THSD7A: variants seen among roughly 807,000 people sequenced by gnomAD.
THSD7A encodes the protein thrombospondin type-1 domain-containing protein 7A.
In THSD7A, 96 loss-of-function variants were observed where a neutral mutation model predicts 231.3. The ratio of observed to expected loss-of-function variants is 0.41; its 90% CI spans 0.35 to 0.49. THSD7A has a LOEUF of 0.49. Among genes scored for constraint, THSD7A ranks in the 20% least tolerant of loss-of-function variants. The pLI is 0.05. For synonymous variants in THSD7A, 940 were observed against 743.3 expected (o/e 1.26, Z -4.30); for missense variants, 2,290 against 2,070.2 (o/e 1.11, Z -2.06).
intron 1 of THSD7A, among the ~76,000 whole-genome samples, chr7:11,826,843 CA>C (rs1785046547): frequency 6.7e-6 from 1 of 149,246 alleles, no homozygotes; most frequent in African/African-American, 2.5e-5. Flanking sequence ...ATGCAAATGC[CA>C]TTAACACTTA....
rs1023954982 is a variant in THSD7A at position 11,393,899 on chromosome 7, C to T, written c.4411+7896G>A. Among the ~76,000 whole-genome samples the T allele has an allele frequency of 5.3e-5, 8 of 151,732 alleles. No individual in the cohort carries two copies. The East Asian group carries it at 1.2e-3, about 22-fold the overall frequency. ...CTAAATCTGCCTTTGATTGTTGTAC[C>T]TGAAAGTGATGGGGAGAATGGAACC... is the stretch of plus-strand genomic sequence containing the variant. On this transcript the variant is annotated intron_variant, in intron 23 of 27. Coordinates refer to ENST00000423059, the MANE Select transcript of THSD7A (RefSeq NM_015204.3).
chr7:11,524,762 T>A (rs980407622), intron 6 of THSD7A, among the ~76,000 whole-genome samples: 4 of 152,180 alleles, frequency 2.6e-5, no homozygotes, highest in Non-Finnish European at 4.4e-5. Flanking sequence ...GCCATTCTCT[T>A]CTCTGAGGAA....
chr7:11,598,261 G>A (rs565528188), intron 2 of THSD7A, among the ~76,000 whole-genome samples: 1 of 152,358 alleles, frequency 6.6e-6, no homozygotes, highest in African/African-American at 2.4e-5. Context: ...GAAATTTGGG[G>A]AAGAGGTGTA....
chr7:11,576,242 T>C (rs1790897862), intron 4 of THSD7A, among the ~76,000 whole-genome samples: 1 of 152,212 alleles, frequency 6.6e-6, no homozygotes, highest in African/African-American at 2.4e-5. Flanking sequence ...TCTCCCTTTA[T>C]TGTCGGTATT....
chr7:11,418,211 G>A (rs542705363), intron 16 of THSD7A, among the ~76,000 whole-genome samples: 98 of 152,254 alleles, frequency 6.4e-4, no homozygotes, highest in African/African-American at 1.9e-3. Flanking sequence ...AAAAGAAAGT[G>A]AGAAGTGAAA....
At chr7:11,716,813 A>G (rs1238607932) in intron 1 of THSD7A, among the ~76,000 whole-genome samples, 1 of 151,498 alleles carries the variant, frequency 6.6e-6, no homozygotes, top group Non-Finnish European at 1.5e-5. Flanking sequence ...ATCTTATTAC[A>G]TTGCTTTTAT....
At chr7:11,392,279 G>C (rs1043745317) in intron 23 of THSD7A, among the ~76,000 whole-genome samples, 1 of 151,990 alleles carries the variant, frequency 6.6e-6, no homozygotes, top group Non-Finnish European at 1.5e-5. Flanking sequence ...GCCTCACCTG[G>C]GAAGTGCGAG....
At chr7:11,557,299 G>C (rs1302250793) in intron 4 of THSD7A, among the ~76,000 whole-genome samples, 3 of 151,936 alleles carry the variant, frequency 2.0e-5, no homozygotes, top group Admixed American at 2.0e-4. Flanking sequence ...GCATTTTTCA[G>C]ATCTGCAGTT....
At chr7:11,768,040 A>G (rs909569072) in intron 1 of THSD7A, among the ~76,000 whole-genome samples, 3 of 152,204 alleles carry the variant, frequency 2.0e-5, no homozygotes, top group African/African-American at 7.2e-5. Context: ...TTACAATAAA[A>G]GGATTTAGAA....
chr7:11,535,209 A>T (rs1330471020), intron 6 of THSD7A, among the ~76,000 whole-genome samples: 1 of 151,962 alleles, frequency 6.6e-6, no homozygotes, highest in Non-Finnish European at 1.5e-5. Context: ...AGAAAATCCT[A>T]CTCTTTGCTA....
At chr7:11,420,073 T>C (rs1259284488) in intron 16 of THSD7A, among the ~76,000 whole-genome samples, 1 of 152,146 alleles carries the variant, frequency 6.6e-6, no homozygotes, top group African/African-American at 2.4e-5. Context: ...AAGAAGAGCA[T>C]AAAAGTTTAG....
rs1016030162 is a variant in THSD7A at position 11,444,310 on chromosome 7, G to T, written c.3064+1751C>A. Among the ~76,000 whole-genome samples the T allele has an allele frequency of 1.3e-5, 2 of 151,980 alleles. No individual in the cohort carries two copies. The highest frequency in any genetic ancestry group is 2.9e-5 in the Non-Finnish European group (2 of 67,974). On this transcript the variant is annotated intron_variant, in intron 13 of 27. Coordinates refer to ENST00000423059, the MANE Select transcript of THSD7A (RefSeq NM_015204.3). The surrounding 1 kb of genome is among the most constrained non-coding windows in gnomAD (Gnocchi z 4.2). ...CAATCCCATTACTGGGTATATACCC[G>T]AAGGATTATAAATCATTCTACTATA... is the stretch of plus-strand genomic sequence containing the variant.
chr7:11,475,992 C>G (rs553111097), intron 7 of THSD7A, among the ~76,000 whole-genome samples: 25 of 123,848 alleles, frequency 2.0e-4, no homozygotes, highest in African/African-American at 7.6e-4. Flanking sequence ...TGAGAGTTAA[C>G]AAATTGTATA....
intron 1 of THSD7A, among the ~76,000 whole-genome samples, chr7:11,681,836 A>T (rs1342551892): frequency 1.3e-5 from 2 of 152,042 alleles, no homozygotes; most frequent in South Asian, 2.1e-4. Context: ...AATGAAAAAA[A>T]AAACCTGAAA....
intron 13 of THSD7A, among the ~76,000 whole-genome samples, chr7:11,445,703 C>G (rs1412767613): frequency 6.6e-6 from 1 of 152,008 alleles, no homozygotes; most frequent in Non-Finnish European, 1.5e-5. Flanking sequence ...CTTATTTCCT[C>G]CTTACTCCCT....
At chr7:11,703,732 A>G (rs774509008) in intron 1 of THSD7A, among the ~76,000 whole-genome samples, 3 of 151,236 alleles carry the variant, frequency 2.0e-5, no homozygotes, top group Non-Finnish European at 4.4e-5. Flanking sequence ...AACCCATTAT[A>G]TATTTCTAAT....
At chr7:11,659,717 A>G (rs910743574) in intron 1 of THSD7A, among the ~76,000 whole-genome samples, 23 of 151,648 alleles carry the variant, frequency 1.5e-4, no homozygotes, top group Non-Finnish European at 2.7e-4. Flanking sequence ...AATACTGTTA[A>G]TGAATGAGTT....
chr7:11,803,841 T>C (rs1443902899), intron 1 of THSD7A, among the ~76,000 whole-genome samples: 1 of 152,192 alleles, frequency 6.6e-6, no homozygotes, highest in African/African-American at 2.4e-5. Flanking sequence ...CAGTACTTTC[T>C]AGAACTTCCT....
intron 4 of THSD7A, 42 bp from the exon 5 acceptor site, chr7:11,543,159 G>A: frequency 6.4e-7 from 1 of 1,552,702 alleles, no homozygotes; most frequent in South Asian, 1.2e-5. Context: ...TGAACAAAAG[G>A]AACATATATG....
Sources: gnomAD v4.1 joint callset for allele counts (sites outside exome capture counted in the v4.1 genomes callset) on GRCh38, gnomAD v4.1.1 for gene constraint, Gnocchi (gnomAD v3.1) non-coding constraint, MANE v1.5 for transcripts, NCBI Gene and HGNC (gene_info 2026-07-23, HGNC 2026-07-21) for gene names.